The following PPP5C variants were observed in gnomAD, a reference collection of about 807,000 sequenced individuals.
PPP5C encodes the protein serine/threonine-protein phosphatase 5.
A neutral mutation model predicts 66.7 loss-of-function variants in PPP5C; 21 were observed. The ratio of observed to expected loss-of-function variants is 0.31; its 90% CI spans 0.22 to 0.45. The LOEUF (loss-of-function observed/expected upper bound fraction) is 0.45. PPP5C is among the 20% of genes least tolerant of loss of function. PPP5C has a pLI of 1.00. For missense variants in PPP5C, 464 were observed against 675.9 expected (o/e 0.69, Z 3.48); for synonymous variants, 246 against 257.4 (o/e 0.96, Z 0.43).
Position 46,388,174 on chromosome 19 carries a change from G to C in PPP5C, c.1136-234G>C. 2.0e-6 allele frequency: 1 copy of C among 509,434 alleles called. No homozygotes were observed. The allele number at this position is 509,434 out of a possible 1,614,324, so 31.6% of individuals were successfully genotyped here. ...GACATTGAAAGCTCTATCTGGCTTCGGGGCCACAGGGGATTGAATGGGGTC... is the reference window on the plus strand; with the variant it reads ...GACATTGAAAGCTCTATCTGGCTTCCGGGCCACAGGGGATTGAATGGGGTC... On this transcript the variant is annotated intron_variant, in intron 9 of 12. Coordinates refer to ENST00000012443, the MANE Select transcript of PPP5C (RefSeq NM_006247.4). This position sits in a 1 kb window ranked among gnomAD's most constrained non-coding sequence, Gnocchi z 4.9.
chr19:46,347,107 C>T lies in PPP5C; in HGVS notation c.11C>T (p.Ala4Val), dbSNP rs1972094650. 3 of 1,601,810 alleles carry T rather than the reference C, an allele frequency of 1.9e-6. No homozygotes were observed. The highest frequency in any genetic ancestry group is 8.5e-7 in the Non-Finnish European group (1 of 1,174,760). Residue 4 changes from alanine to valine, a missense_variant, in exon 1 of 13, where the codon GCG becomes GTG. Transcript: ENST00000012443. ...GGGTCGCTTTGCGGCATGGCGATGG[C>T]GGAGGGCGAGAGGACTGAGTGTGCT... MAM[A>V]EGERTECAEP... is the part of the protein sequence containing the mutation.
intron 4 of PPP5C, among the ~76,000 whole-genome samples, chr19:46,380,001 A>G (rs1972762767): frequency 6.6e-6 from 1 of 152,322 alleles, no homozygotes; most frequent in Admixed American, 6.5e-5. Context: ...ATGATACTTA[A>G]TGGACAATAT....
chr19:46,376,575 G>C lies in PPP5C; in HGVS notation c.633+1G>C, dbSNP rs1188050834. 1 of 1,613,260 alleles carries C rather than the reference G, an allele frequency of 6.2e-7. No homozygotes were observed. Among genetic ancestry groups the C allele is most frequent in the Admixed American group, 1.7e-5 (1 of 59,994 alleles). ...ACTGCACCGGAAATGTGCCTACCAG[G>C]TAATGCATCTGTCAGGTACTGGGCA... On this transcript the variant is annotated splice_donor_variant, in intron 4 of 12. Transcript: ENST00000012443. LOFTEE classifies it high-confidence loss of function. The surrounding 1 kb of genome is among the most constrained non-coding windows in gnomAD (Gnocchi z 5.1).
intron 2 of PPP5C, among the ~76,000 whole-genome samples, chr19:46,363,727 C>G (rs966746874): frequency 2.6e-5 from 4 of 152,172 alleles, no homozygotes; most frequent in Non-Finnish European, 2.9e-5. Context: ...CTGCACCTGG[C>G]CTCGGTTTAC....
chr19:46,385,729 G>A (rs1031006847), intron 7 of PPP5C, among the ~76,000 whole-genome samples: 3 of 151,210 alleles, frequency 2.0e-5, no homozygotes, highest in South Asian at 2.1e-4. Flanking sequence ...GCAATGAGCC[G>A]AGATTGCGCC....
At chr19:46,362,366 TAAG>T (rs1972407107) in intron 2 of PPP5C, among the ~76,000 whole-genome samples, 1 of 152,188 alleles carries the variant, frequency 6.6e-6, no homozygotes, top group Non-Finnish European at 1.5e-5. Flanking sequence ...TTCTCTAAAA[TAAG>T]AAGTCAGAAG....
chr19:46,390,568 AGCTGGG>A lies in PPP5C; in HGVS notation c.*230_*235del. ...TGGACAGAGAGGAAGGAGGTGGAGCAGCTGGGGCTGGGGGCACAGCCTGGGCATTCT... is the reference window on the plus strand; with the variant it reads ...TGGACAGAGAGGAAGGAGGTGGAGCAGCTGGGGGCACAGCCTGGGCATTCT... On this transcript the variant is annotated 3_prime_UTR_variant, in exon 13 of 13. Transcript: ENST00000012443. 1 of 1,381,862 alleles carries A rather than the reference AGCTGGG, an allele frequency of 7.2e-7. No individual in the cohort carries two copies. The highest frequency in any genetic ancestry group is 9.4e-7 in the Non-Finnish European group (1 of 1,064,080). The allele number at this position is 1,381,862 out of a possible 1,614,324, so 85.6% of individuals were successfully genotyped here.
In PPP5C at chr19:46,388,289, C is replaced by CCAA. The variant is rs1972926864; in HGVS notation, c.1136-116_1136-114dup. 1 of 1,133,434 alleles carries CCAA rather than the reference C, an allele frequency of 8.8e-7. No individual in the cohort carries two copies. The highest frequency in any genetic ancestry group is 1.2e-6 in the Non-Finnish European group (1 of 809,928). 70.2% of individuals were successfully genotyped at this position (1,133,434 alleles called of 1,614,324 possible). On this transcript the variant is annotated intron_variant, in intron 9 of 12. Coordinates refer to ENST00000012443, the MANE Select transcript of PPP5C (RefSeq NM_006247.4). This position sits in a 1 kb window ranked among gnomAD's most constrained non-coding sequence, Gnocchi z 4.9. ...CATGTCCATGCTGGATGTCCCCTGC[C>CCAA]CAACACCCACCCAGGCTGGGCTGTG...
At chr19:46,389,404 C>CTCCATCTCAAA (rs1972962248) in intron 11 of PPP5C, among the ~76,000 whole-genome samples, 2 of 26,458 alleles carry the variant, frequency 7.6e-5, no homozygotes, top group African/African-American at 2.2e-4. Context: ...CACACACACA[C>CTCCATCTCAAA]ACACACACAC....
intron 2 of PPP5C, among the ~76,000 whole-genome samples, chr19:46,363,307 C>CAAAAAAAAA (rs1158423038): frequency 1.1e-4 from 3 of 27,940 alleles, no homozygotes; most frequent in Non-Finnish European, 1.7e-4. Context: ...GACTCCATCT[C>CAAAAAAAAA]AAAAAAAAAA....
chr19:46,365,140 G>A (rs895892687), intron 2 of PPP5C, among the ~76,000 whole-genome samples: 6 of 151,852 alleles, frequency 4.0e-5, no homozygotes, highest in African/African-American at 7.3e-5. Context: ...GAGCCACCAC[G>A]CCCAGCTACT....
At chr19:46,378,914 G>A (rs1261348225) in intron 4 of PPP5C, among the ~76,000 whole-genome samples, 3 of 149,256 alleles carry the variant, frequency 2.0e-5, no homozygotes, top group Middle Eastern at 6.9e-3. Flanking sequence ...GTGGAATTTC[G>A]CTCTTGTTGC....
At position 46,376,405 on chromosome 19, in the gene PPP5C, A is replaced by G. The variant is rs375149703; in HGVS notation, c.512-48A>G. On this transcript the variant is annotated intron_variant, in intron 3 of 12. Coordinates refer to ENST00000012443, the MANE Select transcript of PPP5C (RefSeq NM_006247.4). The surrounding 1 kb of genome is among the most constrained non-coding windows in gnomAD (Gnocchi z 5.1). Reference sequence around the variant, plus strand: ...TGGGAGCGAGACCCCCTTCTCCCTCATAGTGGCTGTGGTCACTGACTCTCG... The same window carrying G: ...TGGGAGCGAGACCCCCTTCTCCCTCGTAGTGGCTGTGGTCACTGACTCTCG... 1.7e-5 allele frequency: 28 copies of G among 1,603,898 alleles called. No individual in the cohort carries two copies. The highest frequency in any genetic ancestry group is 2.3e-5 in the Non-Finnish European group (27 of 1,173,808).
At chr19:46,355,412 G>C (rs576729048) in intron 2 of PPP5C, among the ~76,000 whole-genome samples, 1 of 152,206 alleles carries the variant, frequency 6.6e-6, no homozygotes, top group Admixed American at 6.5e-5. Context: ...TGAGAAGCAC[G>C]AGTCTGCAGT....
chr19:46,348,383 G>A (rs1972123709), intron 1 of PPP5C, among the ~76,000 whole-genome samples: 3 of 149,008 alleles, frequency 2.0e-5, no homozygotes, highest in Admixed American at 6.8e-5. Flanking sequence ...GCGCAATCTC[G>A]GCTCACTGCA....
chr19:46,364,621 CAGTT>C (rs1424408625), intron 2 of PPP5C, among the ~76,000 whole-genome samples: 2 of 151,912 alleles, frequency 1.3e-5, no homozygotes, highest in Non-Finnish European at 2.9e-5. Flanking sequence ...GTTCAGCAGA[CAGTT>C]GGAGCATTTA....
intron 2 of PPP5C, among the ~76,000 whole-genome samples, chr19:46,362,689 G>A (rs187442107): frequency 5.0e-4 from 76 of 152,056 alleles, no homozygotes; most frequent in African/African-American, 1.8e-3. Context: ...ATTATTGTAC[G>A]TTAGGCAAGT....
chr19:46,374,850 C>T (rs1972664174), intron 2 of PPP5C, among the ~76,000 whole-genome samples: 1 of 152,164 alleles, frequency 6.6e-6, no homozygotes, highest in Admixed American at 6.5e-5. Flanking sequence ...AGAAACTGAG[C>T]CACAGAGAGG....
chr19:46,389,756 G>A (rs1393440292), intron 11 of PPP5C, among the ~76,000 whole-genome samples: 4 of 152,038 alleles, frequency 2.6e-5, no homozygotes, highest in Admixed American at 6.5e-5. Context: ...AGCTAGAAGC[G>A]TGGTCAGATT....
Sources: gnomAD v4.1 joint callset for allele counts (sites outside exome capture counted in the v4.1 genomes callset) on GRCh38, gnomAD v4.1.1 for gene constraint, Gnocchi (gnomAD v3.1) non-coding constraint, MANE v1.5 for transcripts, NCBI Gene and HGNC (gene_info 2026-07-23, HGNC 2026-07-21) for gene names.